Variants in WDR49 observed in about 807,000 individuals in gnomAD.
WDR49 encodes cilia- and flagella-associated protein 337.
Under a neutral mutation model 119.5 loss-of-function variants are expected in WDR49, and 107 were observed. The ratio of observed to expected loss-of-function variants is 0.90; its 90% CI spans 0.77 to 1.05. The LOEUF is 1.05. Ranked by LOEUF, WDR49 falls within the 50% of genes least tolerant of loss-of-function variation. The pLI, the probability that WDR49 is intolerant of heterozygous loss-of-function variation, is 0.00. For missense variants in WDR49, 1,240 were observed against 1,220.5 expected, an observed-to-expected ratio of 1.02 and a Z score of -0.24; for synonymous variants, 425 against 418.8, an observed-to-expected ratio of 1.01 and a Z score of -0.18.
intron 9 of WDR49, among the ~76,000 whole-genome samples, chr3:167,555,449 C>G (rs1026703001): frequency 6.6e-6 from 1 of 152,164 alleles, no homozygotes; most frequent in Non-Finnish European, 1.5e-5. Flanking sequence ...CCGTAAGCCA[C>G]TCTAGCAAAT....
intron 18 of WDR49, among the ~76,000 whole-genome samples, chr3:167,495,562 AC>A (rs1751322074): frequency 9.0e-6 from 1 of 111,682 alleles, no homozygotes; most frequent in African/African-American, 4.5e-5. Flanking sequence ...ATATAATTAA[AC>A]AGTCTAACAT....
chr3:167,606,969 A>G (rs115548181), intron 5 of WDR49, among the ~76,000 whole-genome samples: 3 of 152,322 alleles, frequency 2.0e-5, no homozygotes, highest in Admixed American at 6.5e-5. Context: ...CTTGGGTTCT[A>G]TGACGCAGGG....
intron 18 of WDR49, among the ~76,000 whole-genome samples, chr3:167,495,420 A>C (rs1358873618): frequency 6.6e-6 from 1 of 152,122 alleles, no homozygotes; most frequent in East Asian, 1.9e-4. Context: ...AACTGATTAG[A>C]TGGGCTTAAA....
At chr3:167,583,069 C>A (rs181622370) in intron 7 of WDR49, among the ~76,000 whole-genome samples, 1 of 151,958 alleles carries the variant, frequency 6.6e-6, no homozygotes, top group Non-Finnish European at 1.5e-5. Flanking sequence ...ATTTAAGGTG[C>A]TTTCTTTTTT....
intron 2 of WDR49, among the ~76,000 whole-genome samples, chr3:167,651,719 C>G (rs542324308): frequency 6.6e-6 from 1 of 151,964 alleles, no homozygotes; most frequent in East Asian, 1.9e-4. Context: ...GCTTTTCCAA[C>G]CGGTAATGTC....
At chr3:167,646,942 G>A (rs1187431711) in intron 2 of WDR49, among the ~76,000 whole-genome samples, 1 of 152,014 alleles carries the variant, frequency 6.6e-6, no homozygotes, top group Non-Finnish European at 1.5e-5. Context: ...CTTGGGAAAC[G>A]GTCAGAAATC....
intron 2 of WDR49, among the ~76,000 whole-genome samples, chr3:167,639,650 C>T (rs989651302): frequency 9.9e-5 from 15 of 151,828 alleles, no homozygotes; most frequent in African/African-American, 3.4e-4. Context: ...AACTTTGAAT[C>T]GATAAGATAA....
At chr3:167,654,704 T>C (rs1008540700), upstream of WDR49, among the ~76,000 whole-genome samples, 4 of 152,032 alleles carry the variant, frequency 2.6e-5, no homozygotes, top group Non-Finnish European at 5.9e-5. Flanking sequence ...GAGAGCAGCC[T>C]GGGCAACATG....
intron 17 of WDR49, among the ~76,000 whole-genome samples, chr3:167,502,286 A>T (rs1751601903): frequency 6.6e-6 from 1 of 152,210 alleles, no homozygotes; most frequent in Admixed American, 6.5e-5. Context: ...ACCGTGATCC[A>T]ATTAAACCCC....
chr3:167,655,129 G>A (rs1718559171), upstream of WDR49, among the ~76,000 whole-genome samples: 1 of 152,100 alleles, frequency 6.6e-6, no homozygotes, highest in African/African-American at 2.4e-5. Flanking sequence ...AAGCTAATGA[G>A]GGCAAAGTCA....
chr3:167,536,441 GGCTGATGCA>G (rs1317019151), intron 11 of WDR49, among the ~76,000 whole-genome samples: 2 of 151,786 alleles, frequency 1.3e-5, no homozygotes, highest in Non-Finnish European at 2.9e-5. Context: ...CACTTTGGGA[GGCTGATGCA>G]GGTGAATTGC....
intron 16 of WDR49, among the ~76,000 whole-genome samples, chr3:167,513,700 T>G (rs939703652): frequency 2.0e-5 from 3 of 152,198 alleles, no homozygotes; most frequent in Non-Finnish European, 4.4e-5. Flanking sequence ...ATTGGTGTGC[T>G]GTCTTCAAAA....
chr3:167,508,331 G>T (rs1326654798), intron 16 of WDR49, among the ~76,000 whole-genome samples: 1 of 152,208 alleles, frequency 6.6e-6, no homozygotes. Flanking sequence ...GAGGCTGAAT[G>T]CCTGCATTTG....
At position 167,627,206 on chromosome 3, in the gene WDR49, T is replaced by A; in HGVS notation, c.252A>T (p.Glu84Asp). Residue 84 changes from glutamate to aspartate, a missense_variant, in exon 3 of 19, where the codon GAA becomes GAT. By Grantham distance (45) the Glu-to-Asp change is conservative (BLOSUM62 2). Coordinates refer to ENST00000682715, the MANE Select transcript of WDR49 (RefSeq NM_001366157.1). ...MTEIVGWGTK[E>D]EYGELFDKVD... ...CTTTGTCAAAGAGCTCCCCATATTC[T>A]TCCTTCGTGCCCCAACCAACAATCT... 8.0e-7 allele frequency: 1 copy of A among 1,256,510 alleles called. No individual in the cohort carries two copies. Among genetic ancestry groups the A allele is most frequent in the Non-Finnish European group, 1.0e-6 (1 of 1,001,656 alleles). The allele number at this position is 1,256,510 out of a possible 1,614,324, so 77.8% of individuals were successfully genotyped here. A position where few individuals can be genotyped will look rare whatever the true frequency, so the allele number is the denominator to read the frequency against.
chr3:167,582,949 A>AACAC (rs369014712), intron 7 of WDR49, among the ~76,000 whole-genome samples: 16 of 149,236 alleles, frequency 1.1e-4, no homozygotes, highest in South Asian at 2.1e-4. Flanking sequence ...TCTCAAAACA[A>AACAC]ACACACACAC....
chr3:167,631,820 C>T (rs1427704229), intron 2 of WDR49, among the ~76,000 whole-genome samples: 1 of 152,004 alleles, frequency 6.6e-6, no homozygotes, highest in Non-Finnish European at 1.5e-5. Flanking sequence ...GTATCAGTTG[C>T]AAGAAAACTG....
intron 17 of WDR49, among the ~76,000 whole-genome samples, chr3:167,501,625 C>T (rs563742764): frequency 1.1e-4 from 17 of 152,148 alleles, no homozygotes; most frequent in African/African-American, 3.9e-4. Context: ...TTCCCTTGGA[C>T]ATAAGTTGAA....
chr3:167,534,529 A>C (rs763352710), intron 11 of WDR49, among the ~76,000 whole-genome samples: 29 of 152,296 alleles, frequency 1.9e-4, no homozygotes, highest in Non-Finnish European at 3.5e-4. Flanking sequence ...ACTAGAAAGT[A>C]ATTTCATTAG....
At position 167,563,733 on chromosome 3, in the gene WDR49, T is replaced by G. The variant is rs1045760811; in HGVS notation, c.1510-3505A>C. On this transcript the variant is annotated intron_variant, in intron 8 of 18. Coordinates refer to ENST00000682715, the MANE Select transcript of WDR49 (RefSeq NM_001366157.1). Reference sequence around the variant, plus strand: ...TAGCATATCCATCACCTTAAACATGTATTATTTCTTTATGTTGAAACATTC... The same window carrying G: ...TAGCATATCCATCACCTTAAACATGGATTATTTCTTTATGTTGAAACATTC... Among the ~76,000 whole-genome samples the G allele has an allele frequency of 4.6e-5, 7 of 152,218 alleles. No individual in the cohort carries two copies. The South Asian group carries it at 1.4e-3, about 31-fold the overall frequency.
Sources: allele counts gnomAD v4.1 joint callset (sites outside exome capture counted in the v4.1 genomes callset), GRCh38; gene constraint gnomAD v4.1.1; transcripts MANE v1.5; gene names NCBI Gene and HGNC (gene_info 2026-07-23, HGNC 2026-07-21).